TBC1D5: variants seen among roughly 807,000 people sequenced by gnomAD.
TBC1D5 encodes TBC1 domain family, member 5.
TBC1D5 carries 75 observed loss-of-function variants against 100.3 expected under a neutral mutation model. That is an observed-to-expected ratio of 0.75 (90% CI 0.62 to 0.91). The LOEUF is 0.91. Among genes scored for constraint, TBC1D5 ranks in the 40% least tolerant of loss-of-function variants. The probability of loss-of-function intolerance (pLI) is 0.00; values close to 1 mark genes in which losing one functional copy is unlikely to be tolerated. For missense variants in TBC1D5, 910 were observed against 942.4 expected, an observed-to-expected ratio of 0.97 and a Z score of 0.45; for synonymous variants, 323 against 325.6, an observed-to-expected ratio of 0.99 and a Z score of 0.09.
At chr3:17,198,764 G>C (rs1401384550) in intron 18 of TBC1D5, among the ~76,000 whole-genome samples, 1 of 152,142 alleles carries the variant, frequency 6.6e-6, no homozygotes, top group Non-Finnish European at 1.5e-5. Context: ...AGACACAGGT[G>C]AGCTTCTAAA....
intron 1 of TBC1D5, among the ~76,000 whole-genome samples, chr3:17,734,761 T>C (rs1480033654): frequency 1.3e-5 from 2 of 152,156 alleles, no homozygotes; most frequent in Non-Finnish European, 1.5e-5. Flanking sequence ...ATCTTTTTGG[T>C]AGGCAATTTG....
chr3:17,374,422 G>A lies in TBC1D5; in HGVS notation c.822+49C>T, dbSNP rs1183878621. 7 of 1,526,632 alleles carry A rather than the reference G, an allele frequency of 4.6e-6. No homozygotes were observed. In the African/African-American group the frequency reaches 7.0e-5, roughly 15 times the overall value. The allele number at this position is 1,526,632 out of a possible 1,614,324, so 94.6% of individuals were successfully genotyped here. ...GGTTACATGTTGTTATTTATTGAAA[G>A]CATTTGCTCCATAGCATATACTGAA... is the stretch of plus-strand genomic sequence containing the variant. On this transcript the variant is annotated intron_variant, in intron 12 of 21. Transcript: ENST00000253692.
In TBC1D5 at chr3:17,489,840, T is replaced by C. The variant is rs565779849; in HGVS notation, c.97+18634A>G. ...CATATGTGTGCATGTATCGTTGTAA[T>C]AGATTGATTTATATTCCTTCAGGTA... On this transcript the variant is annotated intron_variant, in intron 3 of 21. Coordinates refer to ENST00000253692, the Ensembl canonical transcript of TBC1D5. Among the ~76,000 whole-genome samples the C allele has an allele frequency of 5.3e-4, 80 of 152,348 alleles. 1 individual carries two copies. The highest frequency in any genetic ancestry group is 2.7e-3 in the Admixed American group (41 of 15,302).
intron 3 of TBC1D5, among the ~76,000 whole-genome samples, chr3:17,444,668 AAACT>A (rs1160552219): frequency 6.6e-6 from 1 of 152,140 alleles, no homozygotes; most frequent in Non-Finnish European, 1.5e-5. Flanking sequence ...AAAAATTACA[AAACT>A]AATACATAAT....
At chr3:17,645,695 ATC>A (rs1165083516) in intron 1 of TBC1D5, among the ~76,000 whole-genome samples, 2 of 152,032 alleles carry the variant, frequency 1.3e-5, no homozygotes, top group African/African-American at 2.4e-5. Flanking sequence ...CTAGGTACAA[ATC>A]TCTTTCTTGA....
chr3:17,570,462 T>G (rs963401902), intron 2 of TBC1D5, among the ~76,000 whole-genome samples: 1 of 151,984 alleles, frequency 6.6e-6, no homozygotes, highest in Non-Finnish European at 1.5e-5. Context: ...TTTATAACAC[T>G]ATTTTCTACA....
At chr3:17,395,045 G>T (rs545101333) in intron 8 of TBC1D5, among the ~76,000 whole-genome samples, 42 of 152,212 alleles carry the variant, frequency 2.8e-4, no homozygotes, top group African/African-American at 9.4e-4. Context: ...AAGGAAGGTG[G>T]AGTAAGAAAT....
chr3:17,275,410 T>G (rs2079873685), intron 15 of TBC1D5, among the ~76,000 whole-genome samples: 1 of 152,010 alleles, frequency 6.6e-6, no homozygotes, highest in Admixed American at 6.6e-5. Context: ...GGTGTAGTGG[T>G]GCACACCTGT....
At chr3:17,717,768 G>C (rs1284422263) in intron 1 of TBC1D5, among the ~76,000 whole-genome samples, 1 of 152,032 alleles carries the variant, frequency 6.6e-6, no homozygotes, top group Non-Finnish European at 1.5e-5. Flanking sequence ...TTCAAAACAT[G>C]TACCACTCTA....
chr3:17,616,324 A>T (rs921744471), intron 2 of TBC1D5, among the ~76,000 whole-genome samples: 2 of 152,130 alleles, frequency 1.3e-5, no homozygotes, highest in Admixed American at 1.3e-4. Context: ...GGTCAATTTT[A>T]GAATAAGTAC....
intron 10 of TBC1D5, among the ~76,000 whole-genome samples, chr3:17,375,850 T>A (rs989364760): frequency 7.9e-5 from 12 of 152,172 alleles, no homozygotes; most frequent in Admixed American, 6.6e-4. Flanking sequence ...ATCTGCAAGT[T>A]TTCTGTTTAC....
intron 3 of TBC1D5, among the ~76,000 whole-genome samples, chr3:17,443,533 G>A (rs1382604081): frequency 6.6e-6 from 1 of 152,194 alleles, no homozygotes; most frequent in Non-Finnish European, 1.5e-5. Context: ...CAAAGGCTGA[G>A]TGGAGTACTT....
intron 1 of TBC1D5, among the ~76,000 whole-genome samples, chr3:17,695,529 A>C (rs575345931): frequency 6.6e-6 from 1 of 152,372 alleles, no homozygotes; most frequent in Non-Finnish European, 1.5e-5. Context: ...AAAGGGATCA[A>C]TTCAACAAGA....
rs2064276495 is a variant in TBC1D5, at chr3:17,639,336, A to C, written c.-100-15423T>G. On this transcript the variant is annotated intron_variant, in intron 1 of 21. Coordinates refer to ENST00000253692, the Ensembl canonical transcript of TBC1D5. ...AGAAAAGGCAAAGCTATAAACACTA[A>C]AAAATAAATAAATAAATTGTTGCCT... 2.0e-5 allele frequency among the ~76,000 whole-genome samples: 3 copies of C among 152,124 alleles called. No individual in the cohort carries two copies. The South Asian group carries it at 6.2e-4, about 32-fold the overall frequency.
chr3:17,740,879 G>A (rs1280418083), exon 1 of TBC1D5: 1 of 152,136 alleles, frequency 6.6e-6, no homozygotes. Flanking sequence ...GCTTCTAATG[G>A]AAAATTCACA....
chr3:17,584,697 G>A (rs2096721384), intron 2 of TBC1D5, among the ~76,000 whole-genome samples: 1 of 151,978 alleles, frequency 6.6e-6, no homozygotes, highest in African/African-American at 2.4e-5. Context: ...ATTTTGAGAT[G>A]CAAGGCTGGA....
chr3:17,398,098 T>A (rs1303550494), intron 8 of TBC1D5, among the ~76,000 whole-genome samples: 4 of 152,154 alleles, frequency 2.6e-5, no homozygotes, highest in Non-Finnish European at 5.9e-5. Context: ...CCATTTTAAA[T>A]AATACTGAAT....
chr3:17,458,190 C>T (rs2095129660), intron 3 of TBC1D5, among the ~76,000 whole-genome samples: 1 of 152,122 alleles, frequency 6.6e-6, no homozygotes, highest in Admixed American at 6.5e-5. Flanking sequence ...CATGATCCTT[C>T]TCCTCCCCTA....
intron 14 of TBC1D5, among the ~76,000 whole-genome samples, chr3:17,298,916 G>C (rs2082530884): frequency 6.6e-6 from 1 of 152,172 alleles, no homozygotes; most frequent in Non-Finnish European, 1.5e-5. Flanking sequence ...GAGACCCCCA[G>C]TGGATACCTG....
Sources: allele counts gnomAD v4.1 joint callset (sites outside exome capture counted in the v4.1 genomes callset), GRCh38; gene constraint gnomAD v4.1.1; transcripts MANE v1.5; gene names NCBI Gene and HGNC (gene_info 2026-07-23, HGNC 2026-07-21).